Variants in ABCB11 observed in about 807,000 individuals in gnomAD.
The protein encoded by ABCB11 is bile salt export pump.
Under a neutral mutation model 148.0 loss-of-function variants are expected in ABCB11, and 95 were observed. The ratio of observed to expected loss-of-function variants is 0.64; its 90% CI spans 0.54 to 0.76. ABCB11 has a LOEUF of 0.76. Ranked by LOEUF, ABCB11 falls within the 30% of genes least tolerant of loss-of-function variation. ABCB11 has a pLI of 0.00. For synonymous variants in ABCB11, 591 were observed against 555.4 expected, an observed-to-expected ratio of 1.06 and a Z score of -0.90; for missense variants, 1,523 against 1,617.8, an observed-to-expected ratio of 0.94 and a Z score of 1.01.
At chr2:168,996,295 C>T (rs1396464326) in intron 6 of ABCB11, among the ~76,000 whole-genome samples, 2 of 151,986 alleles carry the variant, frequency 1.3e-5, no homozygotes, top group Non-Finnish European at 2.9e-5. Context: ...TCCTCTATCT[C>T]CCCCTGCCCC....
chr2:168,923,413 G>A lies in ABCB11; in HGVS notation c.*209C>T. 3.3e-6 allele frequency: 2 copies of A among 611,506 alleles called. No homozygotes were observed. Among genetic ancestry groups the A allele is most frequent in the East Asian group, 2.8e-5 (1 of 36,242 alleles). The allele number at this position is 611,506 out of a possible 1,614,324, so 37.9% of individuals were successfully genotyped here. The stretch of plus-strand genomic sequence containing the variant: ...TGGACCCTAGTTTCTTTCATTTTCT[G>A]TATACACATCTAAAGCAGAATTATT... On this transcript the variant is annotated 3_prime_UTR_variant, in exon 28 of 28. Transcript: ENST00000650372.
At chr2:168,938,705 T>G (rs1691935625) in intron 21 of ABCB11, among the ~76,000 whole-genome samples, 1 of 152,138 alleles carries the variant, frequency 6.6e-6, no homozygotes, top group South Asian at 2.1e-4. Flanking sequence ...TTACCACAAT[T>G]TTTTTTAAAA....
In ABCB11 at chr2:168,927,377, G is replaced by A; in HGVS notation, c.3412-15C>T. On this transcript the variant is annotated splice_polypyrimidine_tract_variant and intron_variant, in intron 25 of 27. Coordinates refer to ENST00000650372, the MANE Select transcript of ABCB11 (RefSeq NM_003742.4). ...CCATCTATCATCTGCCAATAGAGGA[G>A]ATGACAGGTCATTAGGTTTTTAGAA... 6.2e-7 allele frequency: 1 copy of A among 1,604,566 alleles called. No individual in the cohort carries two copies. The highest frequency in any genetic ancestry group is 8.5e-7 in the Non-Finnish European group (1 of 1,171,982).
At chr2:168,947,803 C>G (rs1692394594) in intron 19 of ABCB11, among the ~76,000 whole-genome samples, 1 of 151,696 alleles carries the variant, frequency 6.6e-6, no homozygotes. Flanking sequence ...CTAGATGCTG[C>G]CTACTCTGGT....
chr2:168,924,539 G>T (rs1691220375), intron 27 of ABCB11, 118 bp downstream of exon 27: 1 of 960,958 alleles, frequency 1.0e-6, no homozygotes, highest in Non-Finnish European at 1.5e-6. Context: ...ACAAAGTATT[G>T]CCAATTTCTA....
intron 5 of ABCB11, among the ~76,000 whole-genome samples, chr2:169,001,493 A>G (rs1305050308): frequency 1.3e-5 from 2 of 152,104 alleles, no homozygotes; most frequent in African/African-American, 4.8e-5. Flanking sequence ...GCCTTACTAT[A>G]GTGGGGATGA....
At chr2:168,960,138 C>A (rs1280026122) in intron 18 of ABCB11, among the ~76,000 whole-genome samples, 2 of 151,558 alleles carry the variant, frequency 1.3e-5, no homozygotes. Context: ...GATTAAAAAA[C>A]CAGATTCCTG....
At chr2:169,021,178 G>C (rs924321937) in intron 1 of ABCB11, among the ~76,000 whole-genome samples, 1 of 151,984 alleles carries the variant, frequency 6.6e-6, no homozygotes, top group South Asian at 2.1e-4. Flanking sequence ...GGCCAGGCTG[G>C]TCTCAAACTC....
chr2:168,992,587 G>T (rs183940176), intron 8 of ABCB11, among the ~76,000 whole-genome samples: 10 of 152,092 alleles, frequency 6.6e-5, no homozygotes, highest in Non-Finnish European at 1.2e-4. Flanking sequence ...TGCCCGACAC[G>T]GCTTAAATGC....
rs150443370 is a variant in ABCB11 at position 168,941,729 on chromosome 2, G to C, written c.2610+2876C>G. Among the ~76,000 whole-genome samples the C allele has an allele frequency of 2.7e-3, 405 of 152,128 alleles. 3 individuals are homozygous for C. The highest frequency in any genetic ancestry group is 9.4e-3 in the African/African-American group (391 of 41,552). On this transcript the variant is annotated intron_variant, in intron 21 of 27. Coordinates refer to ENST00000650372, the MANE Select transcript of ABCB11 (RefSeq NM_003742.4). ...TGCTACAAATAAATCTTTCATGAGA[G>C]GAAGAGTCAATTGATGAGGCAAACT...
intron 7 of ABCB11, among the ~76,000 whole-genome samples, chr2:168,995,083 C>T (rs181631627): frequency 2.0e-5 from 3 of 151,966 alleles, no homozygotes; most frequent in African/African-American, 4.8e-5. Context: ...AGCTAAATAA[C>T]CTTTTTAACT....
At chr2:168,978,749 C>A (rs539125088) in intron 11 of ABCB11, among the ~76,000 whole-genome samples, 1 of 151,966 alleles carries the variant, frequency 6.6e-6, no homozygotes, top group Non-Finnish European at 1.5e-5. Context: ...GACACGTTCT[C>A]ACTCTGTTGC....
chr2:168,927,456 TG>T lies in ABCB11; in HGVS notation c.3412-95del, dbSNP rs1691369046. On this transcript the variant is annotated intron_variant, in intron 25 of 27. Transcript: ENST00000650372. ...AGCATTAGGTGTTATGCAGGACATT[TG>T]GTTTGCTTAACAGACTAACAATCCC... 6 of 1,080,320 alleles carry T rather than the reference TG, an allele frequency of 5.6e-6. No individual in the cohort carries two copies. In the Admixed American group the frequency reaches 1.3e-4, roughly 23 times the overall value. 66.9% of individuals were successfully genotyped at this position (1,080,320 alleles called of 1,614,324 possible). A position where few individuals can be genotyped will look rare whatever the true frequency, so the allele number is the denominator to read the frequency against.
Position 168,923,733 on chromosome 2 carries a change from G to T in ABCB11, c.3855C>A (p.Ile1285=). 1 of 1,613,820 alleles carries T rather than the reference G, an allele frequency of 6.2e-7. No individual in the cohort carries two copies. The highest frequency in any genetic ancestry group is 8.5e-7 in the Non-Finnish European group (1 of 1,179,860). Residue 1285 remains isoleucine (I), a synonymous_variant, in exon 28 of 28, where the codon ATC becomes ATA. Transcript: ENST00000650372. ...CCACCCCCTGTGCCATGACAGCAATGATATCCGCGTTCTGGATGGTGGACA... is the reference window on the plus strand; with the variant it reads ...CCACCCCCTGTGCCATGACAGCAATTATATCCGCGTTCTGGATGGTGGACA... The part of the protein sequence containing the change: ...HRLSTIQNAD[I]IAVMAQGVVI...
intron 5 of ABCB11, among the ~76,000 whole-genome samples, chr2:169,012,933 T>C (rs1005790641): frequency 6.6e-6 from 1 of 151,948 alleles, no homozygotes; most frequent in Non-Finnish European, 1.5e-5. Flanking sequence ...AATAGAACTC[T>C]TGGAGATGAT....
rs1691060691 is a variant in ABCB11, at chr2:168,921,034, C to T, written c.*2588G>A. Reference sequence around the variant, plus strand: ...GCCTATGCTCTTGCTCTTTGAAATGCAAACCAAAACAAGAGCTTTAGTCTT... The same window carrying T: ...GCCTATGCTCTTGCTCTTTGAAATGTAAACCAAAACAAGAGCTTTAGTCTT... On this transcript the variant is annotated 3_prime_UTR_variant, in exon 28 of 28. Coordinates refer to ENST00000650372, the MANE Select transcript of ABCB11 (RefSeq NM_003742.4). Among the ~76,000 whole-genome samples, 1 of 152,190 alleles carries T rather than the reference C, an allele frequency of 6.6e-6. No individual in the cohort carries two copies. Among genetic ancestry groups the T allele is most frequent in the South Asian group, 2.1e-4 (1 of 4,824 alleles).
At position 168,953,219 on chromosome 2, in the gene ABCB11, G is replaced by C. The variant is rs1419579595; in HGVS notation, c.2343+4745C>G. On this transcript the variant is annotated intron_variant, in intron 19 of 27. Transcript: ENST00000650372. ...AGAATGTTCTGTAAATGTCTGTTAA[G>C]TTTGATATAAAATCCAGTTTATGTC... Among the ~76,000 whole-genome samples the C allele has an allele frequency of 8.6e-5, 13 of 151,722 alleles. No homozygotes were observed. The East Asian group carries it at 2.1e-3, about 25-fold the overall frequency.
chr2:169,018,430 C>T lies in ABCB11; in HGVS notation c.-27-278G>A, dbSNP rs1305730338. On this transcript the variant is annotated intron_variant, in intron 1 of 27. Coordinates refer to ENST00000650372, the MANE Select transcript of ABCB11 (RefSeq NM_003742.4). Reference sequence around the variant, plus strand: ...TAAAGCAAAACCATTGATAAATTTTCCTCTAGTTGTTGGATGGATGGTTAT... The same window carrying T: ...TAAAGCAAAACCATTGATAAATTTTTCTCTAGTTGTTGGATGGATGGTTAT... Among the ~76,000 whole-genome samples, 9 of 152,114 alleles carry T rather than the reference C, an allele frequency of 5.9e-5. 1 individual carries two copies. The highest frequency in any genetic ancestry group is 4.4e-5 in the Non-Finnish European group (3 of 68,010).
chr2:168,917,358 C>T (rs1475308165), downstream of ABCB11, among the ~76,000 whole-genome samples: 1 of 151,988 alleles, frequency 6.6e-6, no homozygotes, highest in African/African-American at 2.4e-5. Flanking sequence ...TCAACTTTTC[C>T]TAAGAATTGT....
Sources: allele counts gnomAD v4.1 joint callset (sites outside exome capture counted in the v4.1 genomes callset), GRCh38; gene constraint gnomAD v4.1.1; transcripts MANE v1.5; gene names NCBI Gene and HGNC (gene_info 2026-07-23, HGNC 2026-07-21).